UBXN2B: variants seen among roughly 807,000 people sequenced by gnomAD.
UBXN2B encodes UBX domain-containing protein 2B.
In UBXN2B, 19 loss-of-function variants were observed where a neutral mutation model predicts 37.5. The ratio of observed to expected loss-of-function variants is 0.51; its 90% confidence interval spans 0.35 to 0.74. The LOEUF is 0.74. Among genes scored for constraint, UBXN2B ranks in the 30% least tolerant of loss-of-function variants. The pLI, the probability that UBXN2B is intolerant of heterozygous loss-of-function variation, is 0.01. For missense variants in UBXN2B, 370 were observed against 393.2 expected (o/e 0.94, Z 0.50); for synonymous variants, 145 against 143.8 (o/e 1.01, Z -0.06).
chr8:58,444,538 C>A (rs965084842), intron 6 of UBXN2B, among the ~76,000 whole-genome samples: 4 of 152,086 alleles, frequency 2.6e-5, no homozygotes, highest in African/African-American at 9.7e-5. Flanking sequence ...GTGGTAGTGA[C>A]GATGATAATG....
intron 2 of UBXN2B, among the ~76,000 whole-genome samples, chr8:58,430,045 A>T (rs1585607636): frequency 6.6e-6 from 1 of 152,366 alleles, no homozygotes; most frequent in East Asian, 1.9e-4. Flanking sequence ...TCTCTGAAAG[A>T]TAAATCCTCT....
At chr8:58,426,078 C>G in intron 2 of UBXN2B, 2 of 1,385,504 alleles carry the variant, frequency 1.4e-6, no homozygotes, top group South Asian at 2.3e-5. Context: ...TATTTAAGCT[C>G]AATAACATCT....
intron 5 of UBXN2B, among the ~76,000 whole-genome samples, chr8:58,438,828 A>C (rs1253877698): frequency 2.0e-5 from 3 of 152,094 alleles, no homozygotes; most frequent in African/African-American, 4.8e-5. Flanking sequence ...TGGTGGAATG[A>C]TATGGTTTGG....
chr8:58,430,426 A>G, intron 2 of UBXN2B, 93 bp from the exon 3 acceptor site: 1 of 933,018 alleles, frequency 1.1e-6, no homozygotes, highest in Non-Finnish European at 1.4e-6. Flanking sequence ...CTTTTTAAAT[A>G]AAATACTTTT....
chr8:58,418,241 C>CAAA (rs56073006), intron 2 of UBXN2B, among the ~76,000 whole-genome samples: 76 of 109,062 alleles, frequency 7.0e-4, no homozygotes, highest in African/African-American at 1.7e-3. Context: ...ACTCTGTCTC[C>CAAA]AAAAAAAAAA....
In UBXN2B at chr8:58,424,186, G is replaced by A. The variant is rs1419985320; in HGVS notation, c.189-6333G>A. 9.7e-5 allele frequency among the ~76,000 whole-genome samples: 13 copies of A among 134,678 alleles called. No homozygotes were observed. In the East Asian group the frequency reaches 1.3e-3, roughly 13 times the overall value. The allele number at this position is 134,678 out of a possible 152,430, so 88.4% of individuals were successfully genotyped here. On this transcript the variant is annotated intron_variant, in intron 2 of 7. Coordinates refer to ENST00000399598, the MANE Select transcript of UBXN2B (RefSeq NM_001077619.2). ...TCCCAAATCATTTCTTCTTATCCCC[G>A]ACAATGAGGAAAAAAAAATTAAAAC...
At chr8:58,421,131 C>T (rs1042770043) in intron 2 of UBXN2B, among the ~76,000 whole-genome samples, 3 of 152,148 alleles carry the variant, frequency 2.0e-5, no homozygotes, top group African/African-American at 7.2e-5. Flanking sequence ...TTTAAAATCC[C>T]CAATAAAATT....
Position 58,450,963 on chromosome 8 carries a change from A to G in UBXN2B, c.*3412A>G, listed in dbSNP as rs1423620953. The stretch of plus-strand genomic sequence containing the variant: ...CTACTCCTTTTCACTTACTGAAAAC[A>G]ACTTGGATAATGTGTAACAGCCAGC... On this transcript the variant is annotated 3_prime_UTR_variant, in exon 8 of 8. Coordinates refer to ENST00000399598, the MANE Select transcript of UBXN2B (RefSeq NM_001077619.2). 1 of 152,624 alleles carries G rather than the reference A, an allele frequency of 6.6e-6. No homozygotes were observed. Among genetic ancestry groups the G allele is most frequent in the Non-Finnish European group, 1.5e-5 (1 of 68,036 alleles). The allele number at this position is 152,624 out of a possible 1,614,324, so 9.5% of individuals were successfully genotyped here. A position where few individuals can be genotyped will look rare whatever the true frequency, so the allele number is the denominator to read the frequency against.
At chr8:58,440,052 A>G (rs1366359797) in intron 6 of UBXN2B, among the ~76,000 whole-genome samples, 3 of 152,206 alleles carry the variant, frequency 2.0e-5, no homozygotes, top group African/African-American at 7.2e-5. Flanking sequence ...AATCTTTACA[A>G]CAGCTCTTTG....
intron 3 of UBXN2B, among the ~76,000 whole-genome samples, chr8:58,430,957 T>C (rs1808255618): frequency 6.6e-6 from 1 of 152,160 alleles, no homozygotes; most frequent in Non-Finnish European, 1.5e-5. Flanking sequence ...TTCAATGGTT[T>C]CCCCCAATGG....
intron 2 of UBXN2B, among the ~76,000 whole-genome samples, chr8:58,428,649 TTGAA>T (rs1298738090): frequency 1.3e-5 from 2 of 152,246 alleles, no homozygotes; most frequent in Non-Finnish European, 2.9e-5. Context: ...ATAAGTTAGT[TTGAA>T]TGAGTATAGA....
chr8:58,434,987 T>G, intron 5 of UBXN2B: 1 of 1,532,688 alleles, frequency 6.5e-7, no homozygotes, highest in African/African-American at 1.4e-5. Context: ...TAAACTCAGA[T>G]ATTCAGTGCT....
At chr8:58,436,465 A>C (rs1434818678) in intron 5 of UBXN2B, among the ~76,000 whole-genome samples, 6 of 152,242 alleles carry the variant, frequency 3.9e-5, no homozygotes, top group African/African-American at 1.4e-4. Flanking sequence ...CTCCTGTTGC[A>C]GTGCATCTGA....
chr8:58,442,592 T>G (rs1436033168), intron 6 of UBXN2B, among the ~76,000 whole-genome samples: 1 of 152,200 alleles, frequency 6.6e-6, no homozygotes. Context: ...CAAACCAAAA[T>G]GCTGTAAAAA....
intron 1 of UBXN2B, among the ~76,000 whole-genome samples, chr8:58,413,782 AGAG>A (rs1268337429): frequency 1.3e-5 from 2 of 152,118 alleles, no homozygotes; most frequent in African/African-American, 4.8e-5. Context: ...TTTGCATATC[AGAG>A]TAGATTTTCA....
intron 2 of UBXN2B, among the ~76,000 whole-genome samples, chr8:58,420,103 A>G (rs904503673): frequency 5.3e-5 from 8 of 152,246 alleles, no homozygotes; most frequent in African/African-American, 1.4e-4. Flanking sequence ...TGACAAAACT[A>G]TAATACAATG....
chr8:58,431,243 G>T (rs907255949), intron 3 of UBXN2B, among the ~76,000 whole-genome samples: 1 of 152,148 alleles, frequency 6.6e-6, no homozygotes, highest in African/African-American at 2.4e-5. Flanking sequence ...TAGCACTTTG[G>T]GAGGCCGAAG....
chr8:58,411,367 C>G lies in UBXN2B; in HGVS notation c.-19C>G. ...TTGCGGCAGGTGCGTCCGCAGCGGG[C>G]GCCGCTAGCCAGCGGAAGATGGCGG... On this transcript the variant is annotated 5_prime_UTR_variant, in exon 1 of 8. Transcript: ENST00000399598. 3 of 1,267,576 alleles carry G rather than the reference C, an allele frequency of 2.4e-6. No individual in the cohort carries two copies. Among genetic ancestry groups the G allele is most frequent in the Non-Finnish European group, 3.0e-6 (3 of 1,003,574 alleles). The allele number at this position is 1,267,576 out of a possible 1,614,324, so 78.5% of individuals were successfully genotyped here. A position where few individuals can be genotyped will look rare whatever the true frequency, so the allele number is the denominator to read the frequency against.
intron 6 of UBXN2B, among the ~76,000 whole-genome samples, chr8:58,442,703 C>A (rs1054967947): frequency 6.6e-6 from 1 of 152,166 alleles, no homozygotes; most frequent in Non-Finnish European, 1.5e-5. Flanking sequence ...TAAAAATTAG[C>A]TTGGTGAGCT....
Sources: allele counts gnomAD v4.1 joint callset (sites outside exome capture counted in the v4.1 genomes callset), GRCh38; gene constraint gnomAD v4.1.1; transcripts MANE v1.5; gene names NCBI Gene and HGNC (gene_info 2026-07-23, HGNC 2026-07-21).